The following TTC28 variants were observed in gnomAD, a reference collection of about 807,000 sequenced individuals.
The protein encoded by TTC28 is tetratricopeptide repeat domain 28.
A neutral mutation model predicts 198.0 loss-of-function variants in TTC28; 61 were observed. The observed-to-expected ratio is 0.31, with a 90% CI of 0.25 to 0.38. The LOEUF is 0.38. Among genes scored for constraint, TTC28 ranks in the 10% least tolerant of loss-of-function variants. The pLI is 1.00. For synonymous variants in TTC28, 1,171 were observed against 1,297.8 expected, an observed-to-expected ratio of 0.90 and a Z score of 2.10; for missense variants, 2,678 against 3,164.0, an observed-to-expected ratio of 0.85 and a Z score of 3.69.
intron 9 of TTC28, among the ~76,000 whole-genome samples, chr22:28,100,630 C>G (rs1341486115): frequency 6.6e-6 from 1 of 152,212 alleles, no homozygotes; most frequent in East Asian, 1.9e-4. Flanking sequence ...ATGTCCTCTG[C>G]AGTCACCACT....
At chr22:28,623,454 C>A (rs2051031744) in intron 2 of TTC28, among the ~76,000 whole-genome samples, 1 of 152,142 alleles carries the variant, frequency 6.6e-6, no homozygotes, top group African/African-American at 2.4e-5. Context: ...AAGATTTTAA[C>A]TTCTTCATTC....
intron 6 of TTC28, among the ~76,000 whole-genome samples, chr22:28,120,198 T>C (rs764230015): frequency 1.3e-5 from 2 of 152,230 alleles, no homozygotes; most frequent in African/African-American, 2.4e-5. Flanking sequence ...TAGGCAATTC[T>C]AGCTCTGAGT....
chr22:28,440,260 G>A (rs1300440063), intron 2 of TTC28, among the ~76,000 whole-genome samples: 26 of 151,864 alleles, frequency 1.7e-4, no homozygotes, highest in Admixed American at 1.7e-3. Context: ...TAGAAGACTG[G>A]GACCTAAGGT....
At chr22:28,286,143 G>T (rs2044682620) in intron 5 of TTC28, among the ~76,000 whole-genome samples, 1 of 151,456 alleles carries the variant, frequency 6.6e-6, no homozygotes, top group Admixed American at 6.6e-5. Flanking sequence ...AGATTATTAA[G>T]TAACAAAAAA....
chr22:28,483,821 A>C (rs2048283354), intron 2 of TTC28, among the ~76,000 whole-genome samples: 1 of 152,208 alleles, frequency 6.6e-6, no homozygotes, highest in Non-Finnish European at 1.5e-5. Context: ...AATACACTAG[A>C]CTAAGGGTTA....
chr22:28,396,639 C>T (rs1452019482), intron 2 of TTC28, among the ~76,000 whole-genome samples: 4 of 152,190 alleles, frequency 2.6e-5, no homozygotes, highest in Non-Finnish European at 4.4e-5. Context: ...GAATCAATAA[C>T]CCACAGCTCT....
At chr22:28,509,779 C>T (rs575484064) in intron 2 of TTC28, among the ~76,000 whole-genome samples, 3 of 149,730 alleles carry the variant, frequency 2.0e-5, no homozygotes, top group South Asian at 4.3e-4. Context: ...AATAGATGAC[C>T]GAAAGCTAGA....
intron 6 of TTC28, 47 bp downstream of exon 6, chr22:28,163,045 C>G (rs945470285): frequency 6.7e-6 from 10 of 1,487,616 alleles, no homozygotes; most frequent in South Asian, 5.5e-5. Context: ...CAGCTATTTC[C>G]AGCTCATGAC....
intron 2 of TTC28, among the ~76,000 whole-genome samples, chr22:28,627,800 A>G (rs1213373611): frequency 6.6e-6 from 1 of 152,112 alleles, no homozygotes; most frequent in Admixed American, 6.6e-5. Flanking sequence ...GTAATCCTTT[A>G]GGGAATTACA....
At position 28,102,537 on chromosome 22, in the gene TTC28, C is replaced by T. The variant is rs74604668; in HGVS notation, c.3308-1257G>A. Among the ~76,000 whole-genome samples, 1,355 of 152,306 alleles carry T rather than the reference C, an allele frequency of 8.9e-3. 11 individuals are homozygous for T. Among genetic ancestry groups the T allele is most frequent in the Middle Eastern group, 0.048 (14 of 292 alleles). On this transcript the variant is annotated intron_variant, in intron 8 of 22. Transcript: ENST00000397906. ...GCAGTTCTCAGCATCACTTTGCCCT[C>T]ATTATCCTGCTCACTGTACATAGAA...
At chr22:28,458,880 CAAA>C (rs770042819) in intron 2 of TTC28, among the ~76,000 whole-genome samples, 2 of 105,336 alleles carry the variant, frequency 1.9e-5, no homozygotes. Flanking sequence ...GACTCCATCT[CAAA>C]AAAAAAAAAA....
At chr22:28,103,990 G>A (rs1039016742) in intron 8 of TTC28, among the ~76,000 whole-genome samples, 9 of 152,188 alleles carry the variant, frequency 5.9e-5, no homozygotes, top group Non-Finnish European at 7.3e-5. Flanking sequence ...GGATAGAAGC[G>A]GAGGTAGATA....
chr22:28,094,089 T>C lies in TTC28; in HGVS notation c.3923A>G (p.His1308Arg). 1 of 1,544,144 alleles carries C rather than the reference T, an allele frequency of 6.5e-7. No homozygotes were observed. The highest frequency in any genetic ancestry group is 8.7e-7 in the Non-Finnish European group (1 of 1,144,706). Residue 1308 changes from histidine (H) to arginine (R), a missense_variant, in exon 12 of 23, where the codon CAC (histidine) becomes CGC (arginine). Around this residue, in one of 8 missense-constraint regions of TTC28, gnomAD observed 727 missense variants for 861.9 expected, o/e 0.84. Transcript: ENST00000397906. ...ATGTTTTACTACCTACCTTGAGTAG[T>C]GAGACTCCACCCCCAGGGCCTCCCG... Reference protein sequence around the residue: ...SVREALGVESHYSRACASSET... With the variant: ...SVREALGVESRYSRACASSET...
At chr22:28,177,101 G>A (rs991123219) in intron 5 of TTC28, among the ~76,000 whole-genome samples, 5 of 152,122 alleles carry the variant, frequency 3.3e-5, no homozygotes, top group African/African-American at 4.8e-5. Context: ...CACAGACGGC[G>A]AGAAAACATT....
chr22:28,530,712 C>T (rs574473417), intron 2 of TTC28, among the ~76,000 whole-genome samples: 1 of 152,278 alleles, frequency 6.6e-6, no homozygotes, highest in Non-Finnish European at 1.5e-5. Context: ...GCAGATGTCT[C>T]GGCAGAAACT....
At chr22:28,649,846 T>G (rs540585799) in intron 1 of TTC28, among the ~76,000 whole-genome samples, 1 of 152,308 alleles carries the variant, frequency 6.6e-6, no homozygotes, top group East Asian at 1.9e-4. Flanking sequence ...GCATGAATAA[T>G]TTATGTTATA....
At chr22:28,506,694 A>C (rs559885850) in intron 2 of TTC28, among the ~76,000 whole-genome samples, 7 of 152,336 alleles carry the variant, frequency 4.6e-5, no homozygotes, top group Non-Finnish European at 8.8e-5. Context: ...GGGACAGAGC[A>C]TTCAGAAGAA....
At chr22:28,138,028 A>T (rs1208226175) in intron 6 of TTC28, among the ~76,000 whole-genome samples, 1 of 151,982 alleles carries the variant, frequency 6.6e-6, no homozygotes, top group East Asian at 1.9e-4. Flanking sequence ...TTTTTTTTTA[A>T]AAAAAAGGAA....
intron 5 of TTC28, among the ~76,000 whole-genome samples, chr22:28,294,558 CTT>C: frequency 6.6e-6 from 1 of 150,902 alleles, no homozygotes; most frequent in Non-Finnish European, 1.5e-5. Flanking sequence ...AAATGCAGCT[CTT>C]GCCTTTTTTT....
Sources: gnomAD v4.1 joint callset for allele counts (sites outside exome capture counted in the v4.1 genomes callset) on GRCh38, gnomAD v4.1.1 for gene constraint, gnomAD v4.1.1 regional missense constraint, MANE v1.5 for transcripts, NCBI Gene and HGNC (gene_info 2026-07-23, HGNC 2026-07-21) for gene names.